Variants in ERG observed in about 807,000 individuals in gnomAD.
ERG encodes ETS transcription factor ERG.
Under a neutral mutation model 55.3 loss-of-function variants are expected in ERG, and 9 were observed. The ratio of observed to expected loss-of-function variants is 0.16; its 90% CI spans 0.10 to 0.28. The LOEUF (loss-of-function observed/expected upper bound fraction) is 0.28. ERG is among the 10% of genes least tolerant of loss of function. The probability of loss-of-function intolerance (pLI) is 1.00; values close to 1 mark genes in which losing one functional copy is unlikely to be tolerated. For missense variants in ERG, 434 were observed against 631.6 expected, an observed-to-expected ratio of 0.69 and a Z score of 3.35; for synonymous variants, 223 against 237.3, an observed-to-expected ratio of 0.94 and a Z score of 0.55.
intron 1 of ERG, among the ~76,000 whole-genome samples, chr21:38,484,990 G>T (rs1247040529): frequency 6.6e-6 from 1 of 151,566 alleles, no homozygotes; most frequent in Non-Finnish European, 1.5e-5. Flanking sequence ...TTATTTTAGA[G>T]TGTACTTTTT....
intron 1 of ERG, among the ~76,000 whole-genome samples, chr21:38,642,131 T>C (rs2060428872): frequency 6.6e-6 from 1 of 152,232 alleles, no homozygotes; most frequent in African/African-American, 2.4e-5. Flanking sequence ...TAAGCATACC[T>C]ATGAACATGG....
At chr21:38,618,796 C>T (rs994126496) in intron 1 of ERG, among the ~76,000 whole-genome samples, 3 of 152,228 alleles carry the variant, frequency 2.0e-5, no homozygotes, top group Non-Finnish European at 2.9e-5. Context: ...CTACCACTCA[C>T]TAGCAGTGTG....
At chr21:38,461,915 C>T (rs1026625194) in intron 1 of ERG, among the ~76,000 whole-genome samples, 16 of 152,118 alleles carry the variant, frequency 1.1e-4, no homozygotes, top group African/African-American at 3.9e-4. Context: ...AGTGATTCTC[C>T]TGCCTCAGCC....
chr21:38,606,570 C>G (rs970575295), intron 1 of ERG, among the ~76,000 whole-genome samples: 1 of 152,100 alleles, frequency 6.6e-6, no homozygotes, highest in East Asian at 1.9e-4. Context: ...GCACCCCAAA[C>G]AGCATGGATA....
chr21:38,569,493 C>T (rs756172342), intron 2 of ERG, among the ~76,000 whole-genome samples: 1 of 152,200 alleles, frequency 6.6e-6, no homozygotes, highest in African/African-American at 2.4e-5. Context: ...CTAGAAAGTA[C>T]CTTCCTCTCA....
At chr21:38,535,349 C>T (rs2059702026) in intron 2 of ERG, among the ~76,000 whole-genome samples, 1 of 152,110 alleles carries the variant, frequency 6.6e-6, no homozygotes, top group South Asian at 2.1e-4. Context: ...AGATTTGCTG[C>T]ACCAACAATG....
chr21:38,389,183 T>G (rs1240418611), intron 9 of ERG, among the ~76,000 whole-genome samples: 1 of 152,064 alleles, frequency 6.6e-6, no homozygotes, highest in Non-Finnish European at 1.5e-5. Context: ...AGTGGCAGAG[T>G]AGGGCAAGAA....
chr21:38,622,806 C>G, intron 1 of ERG, among the ~76,000 whole-genome samples: 1 of 149,072 alleles, frequency 6.7e-6, no homozygotes, highest in African/African-American at 2.5e-5. Flanking sequence ...CAAACACACA[C>G]AATCACATAT....
At chr21:38,539,281 C>A (rs2059733986) in intron 2 of ERG, among the ~76,000 whole-genome samples, 1 of 152,118 alleles carries the variant, frequency 6.6e-6, no homozygotes, top group Non-Finnish European at 1.5e-5. Context: ...AGTGAGTAGT[C>A]CAAATTAAGA....
At chr21:38,631,129 A>G (rs140285366) in intron 1 of ERG, among the ~76,000 whole-genome samples, 3 of 152,226 alleles carry the variant, frequency 2.0e-5, no homozygotes, top group African/African-American at 7.2e-5. Context: ...GGTAACAAAT[A>G]TTTGCTTTTT....
intron 8 of ERG, 27 bp downstream of exon 8, chr21:38,391,632 G>T (rs770483846): frequency 3.8e-6 from 6 of 1,587,526 alleles, no homozygotes; most frequent in Non-Finnish European, 8.6e-7. Flanking sequence ...TTCTCTTATG[G>T]TTATCCAGAC....
intron 1 of ERG, among the ~76,000 whole-genome samples, chr21:38,630,017 T>C (rs1257216520): frequency 6.6e-6 from 1 of 151,932 alleles, no homozygotes; most frequent in Non-Finnish European, 1.5e-5. Flanking sequence ...AGAACAAATA[T>C]CATATGACTC....
chr21:38,597,673 G>A (rs936947617), intron 1 of ERG, among the ~76,000 whole-genome samples: 8 of 152,112 alleles, frequency 5.3e-5, no homozygotes, highest in Admixed American at 2.6e-4. Context: ...ACTTCCCAAA[G>A]AGGGCTGACA....
chr21:38,652,184 T>G (rs2060492213), intron 1 of ERG, among the ~76,000 whole-genome samples: 1 of 152,068 alleles, frequency 6.6e-6, no homozygotes, highest in Non-Finnish European at 1.5e-5. Flanking sequence ...AGGTAACACT[T>G]CCACCCTCCA....
chr21:38,498,185 C>T lies in ERG; in HGVS notation c.18+178G>A, dbSNP rs577797867. Among the ~76,000 whole-genome samples, 7 of 152,176 alleles carry T rather than the reference C, an allele frequency of 4.6e-5. No homozygotes were observed. Among genetic ancestry groups the T allele is most frequent in the African/African-American group, 9.6e-5 (4 of 41,522 alleles). ...CTGAGTTTGAAGTTTTTAAGCCTTG[C>T]GGATGGTTGGAGTAGGAAAAAGGAA... On this transcript the variant is annotated intron_variant, in intron 1 of 9. Coordinates refer to ENST00000288319, the MANE Select transcript of ERG (RefSeq NM_182918.4). This position sits in a 1 kb window ranked among gnomAD's most constrained non-coding sequence, Gnocchi z 4.6.
At chr21:38,592,501 T>C (rs1437284319) in intron 1 of ERG, among the ~76,000 whole-genome samples, 3 of 152,100 alleles carry the variant, frequency 2.0e-5, no homozygotes, top group Non-Finnish European at 4.4e-5. Context: ...TTACTCCCAC[T>C]TGAGCAATTT....
intron 1 of ERG, among the ~76,000 whole-genome samples, chr21:38,593,919 C>T (rs1405974689): frequency 6.6e-6 from 1 of 152,008 alleles, no homozygotes; most frequent in Non-Finnish European, 1.5e-5. Context: ...AGGTGAGAAC[C>T]TTTCCTAAGA....
At chr21:38,372,972 A>G in the ERG span, among the ~76,000 whole-genome samples, 2 of 152,198 alleles carry the variant, frequency 1.3e-5, no homozygotes, top group Admixed American at 1.3e-4. Flanking sequence ...TGAATATTTT[A>G]ATGTCATCAT....
At chr21:38,464,725 C>T (rs947566335) in intron 1 of ERG, among the ~76,000 whole-genome samples, 18 of 151,860 alleles carry the variant, frequency 1.2e-4, no homozygotes, top group Admixed American at 2.0e-4. Context: ...ACCCTCCTAC[C>T]CCCCGAGAGG....
Sources: allele counts gnomAD v4.1 joint callset (sites outside exome capture counted in the v4.1 genomes callset), GRCh38; gene constraint gnomAD v4.1.1; non-coding constraint Gnocchi (gnomAD v3.1); transcripts MANE v1.5; gene names NCBI Gene and HGNC (gene_info 2026-07-23, HGNC 2026-07-21).